NRXN1: variants seen among roughly 807,000 people sequenced by gnomAD.
NRXN1 encodes the protein neurexin 1, also known as neurexin-1.
A neutral mutation model predicts 150.9 loss-of-function variants in NRXN1; 39 were observed. That is an observed-to-expected ratio of 0.26 (90% CI 0.20 to 0.34). NRXN1 has a LOEUF of 0.34. NRXN1 is among the 10% of genes least tolerant of loss of function. The probability of loss-of-function intolerance (pLI) is 1.00; values close to 1 mark genes in which losing one functional copy is unlikely to be tolerated. For missense variants in NRXN1, 1,815 were observed against 1,949.9 expected, an observed-to-expected ratio of 0.93 and a Z score of 1.30; for synonymous variants, 924 against 757.0, an observed-to-expected ratio of 1.22 and a Z score of -3.62.
At chr2:50,737,144 A>G (rs898756424) in intron 5 of NRXN1, among the ~76,000 whole-genome samples, 5 of 152,126 alleles carry the variant, frequency 3.3e-5, no homozygotes, top group Non-Finnish European at 7.4e-5. Context: ...CTGTAATCCC[A>G]GCTACTTGGG....
rs145663368 is a variant in NRXN1 at position 50,929,364 on chromosome 2, T to A, written c.773-3409A>T. On this transcript the variant is annotated intron_variant, in intron 2 of 22. Transcript: ENST00000401669. ...TAATCAGTGCTAAAGTTTGGCAATATGTAAGTCTTTCTCTAAATGTACAGA... is the reference window on the plus strand; with the variant it reads ...TAATCAGTGCTAAAGTTTGGCAATAAGTAAGTCTTTCTCTAAATGTACAGA... Among the ~76,000 whole-genome samples the A allele has an allele frequency of 4.6e-3, 701 of 152,240 alleles. 5 individuals carry two copies. The highest frequency in any genetic ancestry group is 0.016 in the African/African-American group (659 of 41,558).
At chr2:50,362,764 A>G (rs2079313664) in intron 17 of NRXN1, among the ~76,000 whole-genome samples, 1 of 152,206 alleles carries the variant, frequency 6.6e-6, no homozygotes, top group Non-Finnish European at 1.5e-5. Context: ...ATATGGAATA[A>G]AAAAGTACCC....
At chr2:50,479,906 T>G (rs1017317273) in intron 15 of NRXN1, among the ~76,000 whole-genome samples, 1 of 151,032 alleles carries the variant, frequency 6.6e-6, no homozygotes, top group Non-Finnish European at 1.5e-5. Flanking sequence ...CCAGAGTAGC[T>G]GGGATTACAG....
At chr2:50,931,244 CT>C (rs1337519817) in intron 2 of NRXN1, among the ~76,000 whole-genome samples, 3 of 151,962 alleles carry the variant, frequency 2.0e-5, no homozygotes. Flanking sequence ...TTTCATCTTA[CT>C]ACAGATGTTT....
At chr2:50,865,580 A>ATG (rs112867077) in intron 5 of NRXN1, among the ~76,000 whole-genome samples, 29,078 of 130,516 alleles carry the variant, frequency 0.22, 3,414 homozygotes, top group East Asian at 0.45. Flanking sequence ...AAATATATAA[A>ATG]TGTGTGTGTG....
intron 17 of NRXN1, among the ~76,000 whole-genome samples, chr2:50,286,108 GT>G (rs2072125535): frequency 6.6e-6 from 1 of 152,052 alleles, no homozygotes; most frequent in African/African-American, 2.4e-5. Flanking sequence ...CAATTTACAT[GT>G]TACCTCACAT....
chr2:50,829,757 G>A (rs1341745316), intron 5 of NRXN1: 27 of 1,567,052 alleles, frequency 1.7e-5, no homozygotes, highest in South Asian at 2.3e-5. Flanking sequence ...GGCATGGCCC[G>A]CTTAAGTGCC....
chr2:50,819,512 CAG>C (rs1232672415), intron 5 of NRXN1, among the ~76,000 whole-genome samples: 1 of 151,896 alleles, frequency 6.6e-6, no homozygotes, highest in Non-Finnish European at 1.5e-5. Flanking sequence ...CAGTAGCTGA[CAG>C]GGGATAATAG....
At chr2:50,301,361 A>G (rs566433316) in intron 17 of NRXN1, among the ~76,000 whole-genome samples, 328 of 152,324 alleles carry the variant, frequency 2.2e-3, no homozygotes, top group African/African-American at 7.4e-3. Context: ...GAGAGGTTAT[A>G]TGGTTGATCC....
At chr2:50,860,788 T>C (rs1458817226) in intron 5 of NRXN1, among the ~76,000 whole-genome samples, 1 of 152,064 alleles carries the variant, frequency 6.6e-6, no homozygotes, top group Non-Finnish European at 1.5e-5. Flanking sequence ...ATAGGCATGG[T>C]CCCAGACCAC....
intron 17 of NRXN1, among the ~76,000 whole-genome samples, chr2:50,336,700 G>A (rs1379758993): frequency 6.6e-6 from 1 of 152,124 alleles, no homozygotes; most frequent in Admixed American, 6.6e-5. Context: ...AATGAAAGTA[G>A]TTAATAAACA....
intron 5 of NRXN1, among the ~76,000 whole-genome samples, chr2:50,628,639 T>G (rs1432722330): frequency 1.3e-5 from 2 of 151,792 alleles, no homozygotes; most frequent in East Asian, 3.9e-4. Flanking sequence ...CATATGTGTT[T>G]CTGCTGAACA....
At position 50,868,141 on chromosome 2, in the gene NRXN1, T is replaced by TTATA. The variant is rs70958631; in HGVS notation, c.832+53724_832+53727dup. Among the ~76,000 whole-genome samples the TTATA allele has an allele frequency of 6.2e-3, 544 of 87,398 alleles. 2 individuals are homozygous for TTATA. The highest frequency in any genetic ancestry group is 7.4e-3 in the African/African-American group (142 of 19,090). The allele number at this position is 87,398 out of a possible 152,430, so 57.3% of individuals were successfully genotyped here. A position where few individuals can be genotyped will look rare whatever the true frequency, so the allele number is the denominator to read the frequency against. On this transcript the variant is annotated intron_variant, in intron 5 of 22. Transcript: ENST00000401669. Reference sequence around the variant, plus strand: ...ACTGGATGAATGGATAAACAAAATATTATATATATATATATATATATATAT... The same window carrying TTATA: ...ACTGGATGAATGGATAAACAAAATATTATATATATATATATATATATATATATAT...
intron 18 of NRXN1, among the ~76,000 whole-genome samples, chr2:50,195,402 G>C (rs1486918910): frequency 6.6e-6 from 1 of 152,120 alleles, no homozygotes; most frequent in Non-Finnish European, 1.5e-5. Context: ...TGCTTCAGTA[G>C]TAATTCTGCA....
At chr2:50,282,580 T>C (rs1281655050) in intron 17 of NRXN1, among the ~76,000 whole-genome samples, 1 of 152,166 alleles carries the variant, frequency 6.6e-6, no homozygotes, top group African/African-American at 2.4e-5. Context: ...AAAGAGGTCC[T>C]AGAACTAATC....
chr2:50,913,764 A>C (rs1317316627), intron 5 of NRXN1, among the ~76,000 whole-genome samples: 1 of 151,758 alleles, frequency 6.6e-6, no homozygotes, highest in Non-Finnish European at 1.5e-5. Context: ...CAAGCCAAAC[A>C]GAAAGGGAGA....
At chr2:50,974,888 T>C (rs1256763830) in intron 2 of NRXN1, among the ~76,000 whole-genome samples, 1 of 152,078 alleles carries the variant, frequency 6.6e-6, no homozygotes, top group Non-Finnish European at 1.5e-5. Flanking sequence ...ATATAAAATG[T>C]ACTTGTATTT....
chr2:50,414,668 C>A (rs911321872), intron 17 of NRXN1, among the ~76,000 whole-genome samples: 3 of 151,606 alleles, frequency 2.0e-5, no homozygotes, highest in Non-Finnish European at 4.4e-5. Flanking sequence ...GTAAGTCCCT[C>A]GGAAAATTAT....
intron 2 of NRXN1, among the ~76,000 whole-genome samples, chr2:51,017,503 CTTTTTTTTTTTTT>C (rs70958638): frequency 2.0e-4 from 9 of 44,320 alleles, no homozygotes; most frequent in East Asian, 1.5e-3. Context: ...CCACATCTGG[CTTTTTTTTTTTTT>C]TTTTTTTTTT....
Sources: allele counts gnomAD v4.1 joint callset (sites outside exome capture counted in the v4.1 genomes callset), GRCh38; gene constraint gnomAD v4.1.1; transcripts MANE v1.5; gene names NCBI Gene and HGNC (gene_info 2026-07-23, HGNC 2026-07-21).